The following PLXND1 variants were observed in gnomAD, a reference collection of about 807,000 sequenced individuals.
PLXND1 encodes plexin-D1.
A neutral mutation model predicts 197.7 loss-of-function variants in PLXND1; 54 were observed. The observed-to-expected ratio is 0.27, with a 90% CI of 0.22 to 0.34. The LOEUF (loss-of-function observed/expected upper bound fraction) is 0.34. PLXND1 is among the 10% of genes least tolerant of loss of function. PLXND1 has a pLI of 1.00. For synonymous variants in PLXND1, 1,180 were observed against 1,161.2 expected (o/e 1.02, Z -0.33); for missense variants, 2,127 against 2,699.2 (o/e 0.79, Z 4.70).
At chr3:129,589,602 T>G in intron 1 of PLXND1, 75 bp from the exon 2 acceptor site, 2 of 1,266,208 alleles carry the variant, frequency 1.6e-6, no homozygotes, top group Non-Finnish European at 2.2e-6. Flanking sequence ...CTGGCTGGGA[T>G]CTCAGGCCCT....
Position 129,557,021 on chromosome 3 carries a change from G to A in PLXND1, c.5586+62C>T, listed in dbSNP as rs1026346281. 2.0e-5 allele frequency: 31 copies of A among 1,574,630 alleles called. No homozygotes were observed. In the African/African-American group the frequency reaches 3.9e-4, roughly 20 times the overall value. On this transcript the variant is annotated intron_variant, in intron 34 of 35. Coordinates refer to ENST00000324093, the MANE Select transcript of PLXND1 (RefSeq NM_015103.3). The surrounding 1 kb of genome is among the most constrained non-coding windows in gnomAD (Gnocchi z 4.8). ...ACTCCAGTGGAGGCATTGAGGCCCA[G>A]CCCCCGACCCCCGATCCCTCAGCTC...
At chr3:129,572,206 T>C (rs2085244660) in intron 15 of PLXND1, among the ~76,000 whole-genome samples, 1 of 152,182 alleles carries the variant, frequency 6.6e-6, no homozygotes, top group Admixed American at 6.5e-5. Context: ...TGTGCTCCTC[T>C]TGGTGTCCCA....
intron 1 of PLXND1, among the ~76,000 whole-genome samples, chr3:129,595,667 A>T (rs1007086987): frequency 6.6e-6 from 1 of 152,176 alleles, no homozygotes; most frequent in Non-Finnish European, 1.5e-5. Flanking sequence ...CCTCTGGAAG[A>T]GGCGGGTCAC....
rs2285362 is a variant in PLXND1 at position 129,565,925 on chromosome 3, G to A, written c.4284C>T (p.His1428=). The change falls in exon 24 of 36, where the codon CAC becomes CAT. Residue 1428 remains histidine, a synonymous_variant. Coordinates refer to ENST00000324093, the MANE Select transcript of PLXND1 (RefSeq NM_015103.3). ...NNKHFLIVFV[H]ALEQQKDFAV... ...CAAAGTCCTTCTGCTGCTCCAGCGC[G>A]TGGACAAAGACGATGAGGAAGTGCT... 273 of 1,614,160 alleles carry A rather than the reference G, an allele frequency of 1.7e-4. 3 individuals carry two copies. In the East Asian group the frequency reaches 5.3e-3, roughly 32 times the overall value.
chr3:129,589,311 C>A (rs762960212), intron 2 of PLXND1, 40 bp downstream of exon 2: 20 of 448,852 alleles, frequency 4.5e-5, no homozygotes, highest in South Asian at 8.6e-5. Flanking sequence ...AGGGGAGCCT[C>A]CCACCCCCAC....
chr3:129,560,997 G>A (rs1224656102), intron 29 of PLXND1: 2 of 590,626 alleles, frequency 3.4e-6, no homozygotes, highest in Non-Finnish European at 6.3e-6. Context: ...CACACAGCGA[G>A]CGAGACAGAG....
At chr3:129,560,771 G>T in intron 29 of PLXND1, 48 bp from the exon 30 acceptor site, 1 of 982,332 alleles carries the variant, frequency 1.0e-6, no homozygotes, top group Non-Finnish European at 1.7e-6. Context: ...GGAGAGGAGA[G>T]AAACAGAAAT....
Position 129,573,604 on chromosome 3 carries a change from C to A in PLXND1, c.2827G>T (p.Val943Leu), listed in dbSNP as rs779859622. Residue 943 changes from valine to leucine, a missense_variant, in exon 13 of 36, where the codon GTG (valine) becomes TTG (leucine). By Grantham distance (32) the Val-to-Leu change is conservative. Around this residue, in one of 6 missense-constraint regions of PLXND1, gnomAD observed 1,095 missense variants for 1,259.8 expected, o/e 0.87. Coordinates refer to ENST00000324093, the MANE Select transcript of PLXND1 (RefSeq NM_015103.3). ...ACEPLPDRYT[V>L]SEEIVCVTGP... ...ACCGTGGCTACTCACTCCTCCGACACCGTGTATCTGTCAGGCAGTGGCTCA... is the reference window on the plus strand; with the variant it reads ...ACCGTGGCTACTCACTCCTCCGACAACGTGTATCTGTCAGGCAGTGGCTCA... 1.2e-6 allele frequency: 2 copies of A among 1,613,226 alleles called. No homozygotes were observed. Among genetic ancestry groups the A allele is most frequent in the South Asian group, 1.1e-5 (1 of 91,064 alleles).
At chr3:129,578,879 GAA>G (rs2085350508) in intron 8 of PLXND1, among the ~76,000 whole-genome samples, 1 of 152,206 alleles carries the variant, frequency 6.6e-6, no homozygotes. Context: ...AAGCGATTCA[GAA>G]AAGAGAAACC....
rs188579321 is a variant in PLXND1, at chr3:129,562,652, G to A, written c.4825+135C>T. 1.8e-4 allele frequency: 136 copies of A among 739,806 alleles called. No individual in the cohort carries two copies. The African/African-American group carries it at 2.0e-3, about 11-fold the overall frequency. The allele number at this position is 739,806 out of a possible 1,614,324, so 45.8% of individuals were successfully genotyped here. On this transcript the variant is annotated intron_variant, in intron 27 of 35. Coordinates refer to ENST00000324093, the MANE Select transcript of PLXND1 (RefSeq NM_015103.3). ...TACAGAGTAAGAGCTTCTTGCTGAG[G>A]GGGCCTCATTGGATCCTCTCAGTGT...
At chr3:129,589,308 C>T in intron 2 of PLXND1, 43 bp downstream of exon 2, 1 of 628,604 alleles carries the variant, frequency 1.6e-6, no homozygotes, top group Non-Finnish European at 2.9e-6. Flanking sequence ...CCCAGGGGAG[C>T]CTCCCACCCC....
At position 129,586,527 on chromosome 3, in the gene PLXND1, C is replaced by T. The variant is rs187651174; in HGVS notation, c.1620+61G>A. On this transcript the variant is annotated intron_variant, in intron 3 of 35. Transcript: ENST00000324093. Reference sequence around the variant, plus strand: ...GCAGAGGAACAGCGTGTGTAAAGGCCAGGCAAGCAAGAGGGCTCGGCTGGT... The same window carrying T: ...GCAGAGGAACAGCGTGTGTAAAGGCTAGGCAAGCAAGAGGGCTCGGCTGGT... The T allele has an allele frequency of 4.5e-6, 7 of 1,546,582 alleles. No homozygotes were observed. The East Asian group carries it at 1.7e-4, about 38-fold the overall frequency.
intron 8 of PLXND1, 36 bp from the exon 9 acceptor site, chr3:129,578,469 G>A (rs1340958727): frequency 2.3e-6 from 3 of 1,310,084 alleles, no homozygotes; most frequent in African/African-American, 2.9e-5. Flanking sequence ...TGACACAGGG[G>A]CATTTCAGAG....
chr3:129,567,567 G>T lies in PLXND1; in HGVS notation c.4011C>A (p.Thr1337=). The change falls in exon 22 of 36, where the codon ACC becomes ACA. Residue 1337 remains threonine (T), a synonymous_variant. Coordinates refer to ENST00000324093, the MANE Select transcript of PLXND1 (RefSeq NM_015103.3). The part of the protein sequence containing the change: ...AELQTDMTDL[T]KELNRSQGIP... The stretch of plus-strand genomic sequence containing the variant: ...TGCCCTGGCTGCGGTTCAGCTCCTT[G>T]GTGAGATCTGTCATGTCTGTCTGCA... 1 of 1,612,166 alleles carries T rather than the reference G, an allele frequency of 6.2e-7. No homozygotes were observed. The highest frequency in any genetic ancestry group is 8.5e-7 in the Non-Finnish European group (1 of 1,178,934).
At chr3:129,561,959 T>A in intron 27 of PLXND1, 56 bp from the exon 28 acceptor site, 1 of 1,219,192 alleles carries the variant, frequency 8.2e-7, no homozygotes, top group Non-Finnish European at 1.2e-6. Context: ...GCCTGAGGGG[T>A]AGGTACCGGC....
Position 129,563,380 on chromosome 3 carries a change from C to T in PLXND1, c.4522-140G>A. The T allele has an allele frequency of 4.5e-6, 3 of 664,086 alleles. No individual in the cohort carries two copies. The East Asian group carries it at 8.5e-5, about 19-fold the overall frequency. The allele number at this position is 664,086 out of a possible 1,614,324, so 41.1% of individuals were successfully genotyped here. On this transcript the variant is annotated intron_variant, in intron 25 of 35. Coordinates refer to ENST00000324093, the MANE Select transcript of PLXND1 (RefSeq NM_015103.3). ...ATCCTGGTGTCAACACTCTCCTCTC[C>T]AGGGTGTCTCCACGGACCCTAAGCT... is the stretch of plus-strand genomic sequence containing the variant.
chr3:129,573,959 G>A (rs866666482), intron 12 of PLXND1, among the ~76,000 whole-genome samples: 1 of 152,322 alleles, frequency 6.6e-6, no homozygotes, highest in African/African-American at 2.4e-5. Flanking sequence ...GCCCACGTGG[G>A]CCTGGGGACG....
intron 17 of PLXND1, 55 bp downstream of exon 17, chr3:129,571,454 C>T (rs1385640039): frequency 9.6e-6 from 15 of 1,563,280 alleles, no homozygotes; most frequent in Non-Finnish European, 1.3e-5. Context: ...TCAGTTAGGG[C>T]CCTGGCTGTG....
At chr3:129,586,133 A>G in intron 4 of PLXND1, 39 bp downstream of exon 4, 1 of 1,611,762 alleles carries the variant, frequency 6.2e-7, no homozygotes, top group Non-Finnish European at 8.5e-7. Context: ...CCACCCCCAC[A>G]GCCCTCCTGG....
Sources: allele counts gnomAD v4.1 joint callset (sites outside exome capture counted in the v4.1 genomes callset), GRCh38; gene constraint gnomAD v4.1.1; regional missense constraint gnomAD v4.1.1; non-coding constraint Gnocchi (gnomAD v3.1); transcripts MANE v1.5; gene names NCBI Gene and HGNC (gene_info 2026-07-23, HGNC 2026-07-21).